The following NALF1 variants were observed in gnomAD, a reference collection of about 807,000 sequenced individuals.
NALF1 encodes family with sequence similarity 155 member A.
In NALF1, 3 loss-of-function variants were observed where a neutral mutation model predicts 48.4. That is an observed-to-expected ratio of 0.06 (90% CI 0.03 to 0.16). The LOEUF (loss-of-function observed/expected upper bound fraction) is 0.16. Ranked by LOEUF, NALF1 falls within the 10% of genes least tolerant of loss-of-function variation. The pLI is 1.00. For missense variants in NALF1, 526 were observed against 571.5 expected, an observed-to-expected ratio of 0.92 and a Z score of 0.81; for synonymous variants, 262 against 245.7, an observed-to-expected ratio of 1.07 and a Z score of -0.62.
At chr13:107,542,376 G>T (rs1190030942) in intron 1 of NALF1, among the ~76,000 whole-genome samples, 1 of 152,036 alleles carries the variant, frequency 6.6e-6, no homozygotes, top group East Asian at 1.9e-4. Flanking sequence ...AGGAAACTGA[G>T]TTTCTCTTTG....
chr13:107,334,946 A>T (rs1033810138), intron 1 of NALF1, among the ~76,000 whole-genome samples: 1 of 152,120 alleles, frequency 6.6e-6, no homozygotes, highest in Admixed American at 6.6e-5. Context: ...ACTGCTTGTT[A>T]TTGCTGGTAG....
intron 1 of NALF1, among the ~76,000 whole-genome samples, chr13:107,307,983 T>C (rs1881970129): frequency 6.6e-6 from 1 of 152,102 alleles, no homozygotes; most frequent in Admixed American, 6.5e-5. Context: ...TGTGATGTAA[T>C]TTACAACTGG....
chr13:107,546,237 G>C (rs1169857028), intron 1 of NALF1, among the ~76,000 whole-genome samples: 4 of 152,108 alleles, frequency 2.6e-5, no homozygotes, highest in Admixed American at 2.0e-4. Flanking sequence ...CATGAAAAGA[G>C]GGAAAGCTGC....
chr13:107,545,783 G>C (rs1877121016), intron 1 of NALF1, among the ~76,000 whole-genome samples: 1 of 152,078 alleles, frequency 6.6e-6, no homozygotes. Flanking sequence ...GGTATAGACT[G>C]AAAAAGAAAG....
At chr13:107,448,143 G>T (rs1417257769) in intron 1 of NALF1, among the ~76,000 whole-genome samples, 1 of 152,032 alleles carries the variant, frequency 6.6e-6, no homozygotes, top group Non-Finnish European at 1.5e-5. Flanking sequence ...TCTTTCTTGA[G>T]TTCTACATTC....
chr13:107,225,137 T>C (rs954469138), intron 1 of NALF1, among the ~76,000 whole-genome samples: 8 of 152,040 alleles, frequency 5.3e-5, no homozygotes, highest in Admixed American at 5.2e-4. Context: ...GCCTCCCAAG[T>C]AGCTGGGATT....
At position 107,867,454 on chromosome 13, in the gene NALF1, G is replaced by A. The variant is rs1388845435; in HGVS notation, c.-858C>T. On this transcript the variant is annotated 5_prime_UTR_variant, in exon 1 of 3. Transcript: ENST00000375915. The surrounding 1 kb of genome is among the most constrained non-coding windows in gnomAD (Gnocchi z 4.4). ...AGAGCCACAGTCATCTTCAGTCCGC[G>A]GGCTAAGTTGCCGCCATCTTCGTCC... Among the ~76,000 whole-genome samples the A allele has an allele frequency of 6.7e-6, 1 of 149,308 alleles. No individual in the cohort carries two copies. Among genetic ancestry groups the A allele is most frequent in the Non-Finnish European group, 1.5e-5 (1 of 67,090 alleles).
At chr13:107,170,834 C>A (rs1039605248) in intron 2 of NALF1, 48 bp from the exon 3 acceptor site, 1 of 1,555,868 alleles carries the variant, frequency 6.4e-7, no homozygotes. Flanking sequence ...AATACATTTG[C>A]GACATAGTAG....
At position 107,174,969 on chromosome 13, in the gene NALF1, C is replaced by T. The variant is rs964857501; in HGVS notation, c.1088-4183G>A. ...CGCGATCTCGGCTCACTGCAAGCTC[C>T]GCCTCCCGGGTTCACGCCATTCTCC... is the stretch of plus-strand genomic sequence containing the variant. On this transcript the variant is annotated intron_variant, in intron 2 of 2. Coordinates refer to ENST00000375915, the MANE Select transcript of NALF1 (RefSeq NM_001080396.3). 4.7e-5 allele frequency among the ~76,000 whole-genome samples: 7 copies of T among 149,618 alleles called. No individual in the cohort carries two copies. In the South Asian group the frequency reaches 1.1e-3, roughly 23 times the overall value.
In NALF1 at chr13:107,503,982, G is replaced by A. The variant is rs547123242; in HGVS notation, c.916-293227C>T. On this transcript the variant is annotated intron_variant, in intron 1 of 2. Coordinates refer to ENST00000375915, the MANE Select transcript of NALF1 (RefSeq NM_001080396.3). ...GAGATCAAGAATCAAGGAAGAGCACGGTGGCTCTTGCCTGTAATCCCAGCA... is the reference window on the plus strand; with the variant it reads ...GAGATCAAGAATCAAGGAAGAGCACAGTGGCTCTTGCCTGTAATCCCAGCA... Among the ~76,000 whole-genome samples the A allele has an allele frequency of 2.1e-4, 32 of 151,460 alleles. 1 individual carries two copies. In the East Asian group the frequency reaches 5.1e-3, roughly 24 times the overall value.
At chr13:107,556,296 T>TATATATATATATAC (rs1181358439) in intron 1 of NALF1, among the ~76,000 whole-genome samples, 2 of 98,578 alleles carry the variant, frequency 2.0e-5, no homozygotes, top group African/African-American at 7.5e-5. Flanking sequence ...TATATATATA[T>TATATATATATATAC]ACACACACAC....
intron 1 of NALF1, among the ~76,000 whole-genome samples, chr13:107,354,898 C>T (rs947918833): frequency 2.0e-5 from 3 of 152,070 alleles, no homozygotes; most frequent in Non-Finnish European, 4.4e-5. Context: ...AAGAAGATTC[C>T]GGAGAGTAGA....
At position 107,789,489 on chromosome 13, in the gene NALF1, C is replaced by G. The variant is rs190557883; in HGVS notation, c.915+76193G>C. The stretch of plus-strand genomic sequence containing the variant: ...TGTTGGGAAACTATGCTTACTTCAT[C>G]TTTATCTCATCATTTCTTTGTCATT... On this transcript the variant is annotated intron_variant, in intron 1 of 2. Transcript: ENST00000375915. Among the ~76,000 whole-genome samples the G allele has an allele frequency of 1.2e-4, 18 of 152,294 alleles. 1 individual carries two copies. Among genetic ancestry groups the G allele is most frequent in the Admixed American group, 3.3e-4 (5 of 15,296 alleles).
intron 1 of NALF1, among the ~76,000 whole-genome samples, chr13:107,552,064 C>A (rs1182235813): frequency 6.6e-6 from 1 of 152,084 alleles, no homozygotes; most frequent in African/African-American, 2.4e-5. Context: ...AAGAATATAT[C>A]CCCTCCAGAG....
At position 107,170,541 on chromosome 13, in the gene NALF1, C is replaced by G; in HGVS notation, c.1333G>C (p.Gly445Arg). ...TTTTCTTCCAGCGTGTTGATGCCTC[C>G]AAAGCTCAGTCCGGCTGTGTTCTGT... ...AAQNTAGLSF[G>R]GINTLEENST... The change falls in exon 3 of 3, where the codon GGA (glycine) becomes CGA (arginine). Residue 445 changes from glycine (G) to arginine (R), a missense_variant. This residue lies in a region of NALF1 where 153 missense variants were observed against 215.9 expected (regional missense o/e 0.71). Coordinates refer to ENST00000375915, the MANE Select transcript of NALF1 (RefSeq NM_001080396.3). 1 of 1,612,448 alleles carries G rather than the reference C, an allele frequency of 6.2e-7. No homozygotes were observed. Among genetic ancestry groups the G allele is most frequent in the Non-Finnish European group, 8.5e-7 (1 of 1,178,894 alleles).
intron 1 of NALF1, among the ~76,000 whole-genome samples, chr13:107,604,752 C>T (rs971866008): frequency 6.6e-6 from 1 of 152,052 alleles, no homozygotes; most frequent in Non-Finnish European, 1.5e-5. Context: ...CCAAGCTACC[C>T]GGTGGTGGTG....
At position 107,866,248 on chromosome 13, in the gene NALF1, C is replaced by A; in HGVS notation, c.349G>T (p.Ala117Ser). 1.3e-6 allele frequency: 2 copies of A among 1,591,978 alleles called. No homozygotes were observed. Among genetic ancestry groups the A allele is most frequent in the Non-Finnish European group, 1.7e-6 (2 of 1,171,092 alleles). The change falls in exon 1 of 3, where the codon GCC becomes TCC. Residue 117 changes from alanine (A) to serine (S), a missense_variant. By Grantham distance (99) the Ala-to-Ser change is moderately conservative (BLOSUM62 1). Coordinates refer to ENST00000375915, the MANE Select transcript of NALF1 (RefSeq NM_001080396.3). The surrounding 1 kb of genome is among the most constrained non-coding windows in gnomAD (Gnocchi z 4.4). ...GCGGAGAGGAGTCTGTGTGCCTGGG[C>A]GGCGGGCGAGGACTCCCCCATGCTC... ...LASMGESSPA[A>S]QAHRLLSASS...
intron 1 of NALF1, among the ~76,000 whole-genome samples, chr13:107,739,524 T>C (rs1034863909): frequency 6.6e-6 from 1 of 151,582 alleles, no homozygotes; most frequent in Admixed American, 6.6e-5. Context: ...CCTACTGATA[T>C]TGACCCTCAC....
Position 107,229,283 on chromosome 13 carries a change from A to C in NALF1, c.916-18528T>G, listed in dbSNP as rs116120164. On this transcript the variant is annotated intron_variant, in intron 1 of 2. Transcript: ENST00000375915. Reference sequence around the variant, plus strand: ...GAGAAATACATGTTCATCTACAATCAATACCAATCATGATGATGGGACTAC... The same window carrying C: ...GAGAAATACATGTTCATCTACAATCCATACCAATCATGATGATGGGACTAC... 6.2e-3 allele frequency among the ~76,000 whole-genome samples: 948 copies of C among 152,240 alleles called. 9 individuals carry two copies. The highest frequency in any genetic ancestry group is 0.022 in the African/African-American group (895 of 41,562).
Sources: gnomAD v4.1 joint callset for allele counts (sites outside exome capture counted in the v4.1 genomes callset) on GRCh38, gnomAD v4.1.1 for gene constraint, gnomAD v4.1.1 regional missense constraint, Gnocchi (gnomAD v3.1) non-coding constraint, MANE v1.5 for transcripts, NCBI Gene and HGNC (gene_info 2026-07-23, HGNC 2026-07-21) for gene names.